PPARGC1A: variants seen among roughly 807,000 people sequenced by gnomAD.
PPARGC1A encodes the protein peroxisome proliferator-activated receptor gamma coactivator 1-alpha.
In PPARGC1A, 25 loss-of-function variants were observed where a neutral mutation model predicts 88.7. That is an observed-to-expected ratio of 0.28 (90% CI 0.21 to 0.39). The LOEUF (loss-of-function observed/expected upper bound fraction) is 0.39. Ranked by LOEUF, PPARGC1A falls within the 10% of genes least tolerant of loss-of-function variation. The probability of loss-of-function intolerance (pLI) is 1.00; values close to 1 mark genes in which losing one functional copy is unlikely to be tolerated. For missense variants in PPARGC1A, 880 were observed against 968.7 expected, an observed-to-expected ratio of 0.91 and a Z score of 1.22; for synonymous variants, 363 against 355.6, an observed-to-expected ratio of 1.02 and a Z score of -0.24.
chr4:24,259,010 A>G, the PPARGC1A span, among the ~76,000 whole-genome samples: 1 of 152,346 alleles, frequency 6.6e-6, no homozygotes, highest in South Asian at 2.1e-4. Flanking sequence ...TTTTATTACT[A>G]TGACAACCAC....
chr4:24,451,811 C>T, the PPARGC1A span, among the ~76,000 whole-genome samples: 3 of 152,118 alleles, frequency 2.0e-5, no homozygotes, highest in Admixed American at 6.5e-5. Context: ...CTCTTGACCT[C>T]GCAATCTGCC....
the PPARGC1A span, among the ~76,000 whole-genome samples, chr4:24,409,737 T>C: frequency 6.6e-6 from 1 of 152,164 alleles, no homozygotes; most frequent in African/African-American, 2.4e-5. Context: ...TGGCTCATTT[T>C]TGGGGTGTGG....
chr4:24,011,869 G>A, the PPARGC1A span, among the ~76,000 whole-genome samples: 1 of 152,158 alleles, frequency 6.6e-6, no homozygotes. Context: ...GTTTATGAAG[G>A]TATGGGAAAA....
chr4:23,924,683 T>C, the PPARGC1A span, among the ~76,000 whole-genome samples: 2 of 152,112 alleles, frequency 1.3e-5, no homozygotes, highest in African/African-American at 2.4e-5. Flanking sequence ...ATCTCAGAGT[T>C]TACTTTCTGC....
the PPARGC1A span, among the ~76,000 whole-genome samples, chr4:24,078,538 C>G: frequency 6.6e-5 from 10 of 152,040 alleles, no homozygotes; most frequent in African/African-American, 2.2e-4. Flanking sequence ...TGTTGTATGT[C>G]TTGGTCCAGT....
chr4:24,032,643 T>C, the PPARGC1A span, among the ~76,000 whole-genome samples: 14 of 152,316 alleles, frequency 9.2e-5, no homozygotes, highest in East Asian at 2.7e-3. Context: ...GAGCTTCTCC[T>C]TTGGGGCCAA....
chr4:24,029,952 T>C, the PPARGC1A span, among the ~76,000 whole-genome samples: 1 of 152,066 alleles, frequency 6.6e-6, no homozygotes, highest in African/African-American at 2.4e-5. Context: ...TGTAAGCCTG[T>C]AGAGGGGTCT....
the PPARGC1A span, among the ~76,000 whole-genome samples, chr4:23,942,575 G>C: frequency 1.3e-5 from 2 of 152,138 alleles, no homozygotes; most frequent in Non-Finnish European, 2.9e-5. Flanking sequence ...TACTGAATCT[G>C]TACAGCTCTG....
the PPARGC1A span, among the ~76,000 whole-genome samples, chr4:24,396,307 A>G: frequency 6.6e-6 from 1 of 152,168 alleles, no homozygotes; most frequent in Non-Finnish European, 1.5e-5. Context: ...TCAGTATATG[A>G]CTTACACATG....
At chr4:23,834,914 C>T (rs892317625) in intron 2 of PPARGC1A, among the ~76,000 whole-genome samples, 17 of 152,274 alleles carry the variant, frequency 1.1e-4, no homozygotes, top group Middle Eastern at 3.4e-3. Flanking sequence ...ATGAGATTTA[C>T]ACCATTATAA....
chr4:24,009,734 G>A, the PPARGC1A span, among the ~76,000 whole-genome samples: 1 of 152,266 alleles, frequency 6.6e-6, no homozygotes, highest in South Asian at 2.1e-4. Context: ...AGTCTGCTTC[G>A]GAATCAGTGG....
the PPARGC1A span, among the ~76,000 whole-genome samples, chr4:23,987,073 A>G: frequency 6.6e-6 from 1 of 152,072 alleles, no homozygotes; most frequent in Non-Finnish European, 1.5e-5. Context: ...AACACCTCTT[A>G]GGGAATACGT....
chr4:24,301,498 G>A, the PPARGC1A span, among the ~76,000 whole-genome samples: 1 of 151,606 alleles, frequency 6.6e-6, no homozygotes, highest in Non-Finnish European at 1.5e-5. Context: ...GGTCTATTTA[G>A]TGAATACCCA....
chr4:24,322,166 T>C, the PPARGC1A span, among the ~76,000 whole-genome samples: 2 of 152,244 alleles, frequency 1.3e-5, no homozygotes, highest in Non-Finnish European at 2.9e-5. Context: ...ATTTCCTGAT[T>C]ATAGCCTCCG....
chr4:23,922,892 AT>A, the PPARGC1A span, among the ~76,000 whole-genome samples: 3 of 152,126 alleles, frequency 2.0e-5, no homozygotes, highest in African/African-American at 7.2e-5. Flanking sequence ...CCTCTTTGCC[AT>A]TTCAACTGGG....
chr4:24,231,621 G>A, the PPARGC1A span, among the ~76,000 whole-genome samples: 1 of 152,178 alleles, frequency 6.6e-6, no homozygotes, highest in Non-Finnish European at 1.5e-5. Context: ...GCTGCAGTTT[G>A]TACAGGAGGT....
chr4:24,464,126 A>G, the PPARGC1A span, among the ~76,000 whole-genome samples: 4 of 152,268 alleles, frequency 2.6e-5, no homozygotes, highest in African/African-American at 7.2e-5. Flanking sequence ...TAGGAGAGGG[A>G]GGCCTACAGC....
At chr4:23,807,775 C>T (rs889368304) in intron 10 of PPARGC1A, among the ~76,000 whole-genome samples, 1 of 151,544 alleles carries the variant, frequency 6.6e-6, no homozygotes, top group Non-Finnish European at 1.5e-5. Flanking sequence ...GTGTGAATAA[C>T]ATGAAATCTA....
chr4:24,016,591 A>G, the PPARGC1A span, among the ~76,000 whole-genome samples: 21 of 152,300 alleles, frequency 1.4e-4, no homozygotes, highest in Admixed American at 9.8e-4. Flanking sequence ...GAAAAGGAAA[A>G]TTGAGACATG....
Sources: allele counts gnomAD v4.1 joint callset (sites outside exome capture counted in the v4.1 genomes callset), GRCh38; gene constraint gnomAD v4.1.1; transcripts MANE v1.5; gene names NCBI Gene and HGNC (gene_info 2026-07-23, HGNC 2026-07-21).